CHCHD3: variants seen among roughly 807,000 people sequenced by gnomAD.
CHCHD3 encodes coiled-coil-helix-coiled-coil-helix domain containing 3, also known as MICOS complex subunit MIC19.
Under a neutral mutation model 38.2 loss-of-function variants are expected in CHCHD3, and 20 were observed. The ratio of observed to expected loss-of-function variants is 0.52; its 90% CI spans 0.37 to 0.76. The LOEUF (loss-of-function observed/expected upper bound fraction) is 0.76. Among genes scored for constraint, CHCHD3 ranks in the 30% least tolerant of loss-of-function variants. The pLI is 0.00. For synonymous variants in CHCHD3, 82 were observed against 100.0 expected, an observed-to-expected ratio of 0.82 and a Z score of 1.07; for missense variants, 245 against 279.2, an observed-to-expected ratio of 0.88 and a Z score of 0.87.
In CHCHD3 at chr7:132,831,088, TC is replaced by T. The variant is rs556596620; in HGVS notation, c.524+7310del. ...AAATCCTTGCCTGAAGCCCTGTTCTTCCTGTAATATCGCATTCTTTTCTTCT... is the reference window on the plus strand; with the variant it reads ...AAATCCTTGCCTGAAGCCCTGTTCTTCTGTAATATCGCATTCTTTTCTTCT... On this transcript the variant is annotated intron_variant, in intron 6 of 7. Transcript: ENST00000262570. Among the ~76,000 whole-genome samples the T allele has an allele frequency of 2.1e-4, 32 of 152,288 alleles. No homozygotes were observed. The South Asian group carries it at 6.4e-3, about 31-fold the overall frequency.
intron 4 of CHCHD3, among the ~76,000 whole-genome samples, chr7:132,917,938 T>TA (rs919981061): frequency 6.8e-6 from 1 of 147,082 alleles, no homozygotes; most frequent in African/African-American, 2.5e-5. Flanking sequence ...GTTTAAGAGG[T>TA]AAAAACAATA....
At position 133,035,849 on chromosome 7, in the gene CHCHD3, G is replaced by A. The variant is rs557597297; in HGVS notation, c.170-11222C>T. On this transcript the variant is annotated intron_variant, in intron 2 of 7. Transcript: ENST00000262570. The surrounding 1 kb of genome is among the most constrained non-coding windows in gnomAD (Gnocchi z 4.7). ...AGAGCACGCGGATCTGAGCCCCGCT[G>A]TACTGAGCAGCGATGAGAGCCTTGA... is the stretch of plus-strand genomic sequence containing the variant. 2.3e-5 allele frequency: 37 copies of A among 1,613,228 alleles called. No individual in the cohort carries two copies. The Admixed American group carries it at 4.7e-4, about 20-fold the overall frequency.
chr7:132,912,370 C>T (rs973273954), intron 4 of CHCHD3, among the ~76,000 whole-genome samples: 3 of 152,152 alleles, frequency 2.0e-5, no homozygotes, highest in Non-Finnish European at 4.4e-5. Context: ...AATAAGAAGA[C>T]AGATAAACTA....
rs1264951639 is a variant in CHCHD3, at chr7:133,035,220, T to A, written c.170-10593A>T. 6.2e-7 allele frequency: 1 copy of A among 1,613,660 alleles called. No homozygotes were observed. The highest frequency in any genetic ancestry group is 2.2e-5 in the East Asian group (1 of 44,894). On this transcript the variant is annotated intron_variant, in intron 2 of 7. Transcript: ENST00000262570. The surrounding 1 kb of genome is among the most constrained non-coding windows in gnomAD (Gnocchi z 4.7). ...CTGCTTCTCTTCCCGTGAACCCTTCTCTTTCCGTGGTGTGTCCTTTTTAGG... is the reference window on the plus strand; with the variant it reads ...CTGCTTCTCTTCCCGTGAACCCTTCACTTTCCGTGGTGTGTCCTTTTTAGG...
intron 6 of CHCHD3, among the ~76,000 whole-genome samples, chr7:132,830,990 C>G (rs1336959896): frequency 2.6e-5 from 4 of 152,128 alleles, no homozygotes; most frequent in Non-Finnish European, 4.4e-5. Flanking sequence ...TTCTTGCTCA[C>G]AGCCCTTCAA....
At chr7:132,986,426 A>AAAAAG (rs1812125804) in intron 3 of CHCHD3, among the ~76,000 whole-genome samples, 1 of 13,960 alleles carries the variant, frequency 7.2e-5, no homozygotes, top group Admixed American at 8.7e-4. Flanking sequence ...AGAAAAAAGA[A>AAAAAG]AAAAAAAAAA....
rs1208814866 is a variant in CHCHD3 at position 132,975,225 on chromosome 7, C to T, written c.313G>A (p.Ala105Thr). 1.2e-6 allele frequency: 2 copies of T among 1,612,626 alleles called. No homozygotes were observed. The highest frequency in any genetic ancestry group is 2.7e-5 in the African/African-American group (2 of 74,870). The stretch of plus-strand genomic sequence containing the variant: ...CTACATATCCTCTCCCGAAGGATGG[C>T]TCTGGTTAACTGCTCATTGGCAGCA... ...RAAANEQLTRAILRERICSEE... is the reference protein window; with the variant it reads ...RAAANEQLTRTILRERICSEE... Residue 105 changes from alanine (A) to threonine (T), a missense_variant, in exon 4 of 8, where the codon GCC becomes ACC. Coordinates refer to ENST00000262570, the MANE Select transcript of CHCHD3 (RefSeq NM_017812.4).
rs150606225 is a variant in CHCHD3, at chr7:133,070,156, G to A, written c.155C>T (p.Ala52Val). 1.9e-6 allele frequency: 3 copies of A among 1,610,256 alleles called. No homozygotes were observed. The African/African-American group carries it at 4.0e-5, about 22-fold the overall frequency. Reference sequence around the variant, plus strand: ...TTCAGCAATACCTGAGGCACCATAAGCACCAGAATACCGCTGAGACTTCGA... The same window carrying A: ...TTCAGCAATACCTGAGGCACCATAAACACCAGAATACCGCTGAGACTTCGA... Reference protein sequence around the residue: ...SGSKSQRYSGAYGASVSDEEL... With the variant: ...SGSKSQRYSGVYGASVSDEEL... The change falls in exon 2 of 8, where the codon GCT becomes GTT. Residue 52 changes from alanine to valine, a missense_variant. Physicochemically the swap from Ala to Val is moderately conservative, Grantham distance 64 (BLOSUM62 0). Coordinates refer to ENST00000262570, the MANE Select transcript of CHCHD3 (RefSeq NM_017812.4).
At chr7:133,042,557 A>G (rs900371925) in intron 2 of CHCHD3, among the ~76,000 whole-genome samples, 2 of 152,220 alleles carry the variant, frequency 1.3e-5, no homozygotes, top group Non-Finnish European at 2.9e-5. Context: ...GGCAAGGCCA[A>G]TATACTGCAG....
At chr7:132,907,637 T>G (rs1194078574) in intron 4 of CHCHD3, among the ~76,000 whole-genome samples, 1 of 152,176 alleles carries the variant, frequency 6.6e-6, no homozygotes, top group Non-Finnish European at 1.5e-5. Context: ...CTTAACTGGC[T>G]AAGAGGTCTG....
intron 2 of CHCHD3, 75 bp from the exon 3 acceptor site, chr7:133,024,702 A>G: frequency 9.1e-7 from 1 of 1,096,732 alleles, no homozygotes; most frequent in East Asian, 2.4e-5. Flanking sequence ...TACTCAGGAA[A>G]GCCCGGCTGA....
chr7:132,855,618 T>G (rs1308611571), intron 5 of CHCHD3, among the ~76,000 whole-genome samples: 1 of 152,098 alleles, frequency 6.6e-6, no homozygotes, highest in Non-Finnish European at 1.5e-5. Flanking sequence ...CATTGAAAAG[T>G]CTTAGCTTGC....
intron 3 of CHCHD3, among the ~76,000 whole-genome samples, chr7:133,001,056 T>C (rs4728277): frequency 0.72 from 108,919 of 152,070 alleles, 39,159 homozygotes; most frequent in African/African-American, 0.76. Flanking sequence ...AGATCTTTAT[T>C]AAGGCATAGC....
At chr7:132,917,295 A>T (rs1366978232) in intron 4 of CHCHD3, among the ~76,000 whole-genome samples, 1 of 92,892 alleles carries the variant, frequency 1.1e-5, no homozygotes, top group Non-Finnish European at 2.6e-5. Context: ...GAATTCTTAC[A>T]AAAAAAAAAA....
chr7:133,017,794 A>G (rs1813069122), intron 3 of CHCHD3, among the ~76,000 whole-genome samples: 1 of 152,234 alleles, frequency 6.6e-6, no homozygotes, highest in Non-Finnish European at 1.5e-5. Context: ...AAAAGAAATA[A>G]AACAATAAGA....
chr7:132,962,205 C>A (rs1230972609), intron 4 of CHCHD3, among the ~76,000 whole-genome samples: 2 of 152,118 alleles, frequency 1.3e-5, no homozygotes, highest in East Asian at 1.9e-4. Context: ...AACAGTTTTT[C>A]TTTTTCTAAA....
At chr7:133,055,712 A>G (rs1163436516) in intron 2 of CHCHD3, among the ~76,000 whole-genome samples, 2 of 151,152 alleles carry the variant, frequency 1.3e-5, no homozygotes, top group Non-Finnish European at 2.9e-5. Flanking sequence ...AAAAATATAG[A>G]TAAAATGTCA....
At chr7:132,889,415 A>C (rs1809305066) in intron 4 of CHCHD3, among the ~76,000 whole-genome samples, 1 of 152,162 alleles carries the variant, frequency 6.6e-6, no homozygotes, top group South Asian at 2.1e-4. Flanking sequence ...TGCTGAGGAC[A>C]CCGCATCAAT....
intron 1 of CHCHD3, among the ~76,000 whole-genome samples, chr7:133,075,126 A>C (rs931188118): frequency 1.3e-5 from 2 of 152,056 alleles, no homozygotes; most frequent in Non-Finnish European, 2.9e-5. Flanking sequence ...GTCTCTTTCA[A>C]CCTAATCACT....
Sources: gnomAD v4.1 joint callset for allele counts (sites outside exome capture counted in the v4.1 genomes callset) on GRCh38, gnomAD v4.1.1 for gene constraint, Gnocchi (gnomAD v3.1) non-coding constraint, MANE v1.5 for transcripts, NCBI Gene and HGNC (gene_info 2026-07-23, HGNC 2026-07-21) for gene names.